The following MAN1A2 variants were observed in gnomAD, a reference collection of about 807,000 sequenced individuals.
MAN1A2 encodes mannosyl-oligosaccharide 1,2-alpha-mannosidase IB.
MAN1A2 carries 26 observed loss-of-function variants against 75.7 expected under a neutral mutation model. The ratio of observed to expected loss-of-function variants is 0.34; its 90% CI spans 0.25 to 0.48. The LOEUF is 0.48. Among genes scored for constraint, MAN1A2 ranks in the 20% least tolerant of loss-of-function variants. The pLI is 0.99. For synonymous variants in MAN1A2, 247 were observed against 264.6 expected, an observed-to-expected ratio of 0.93 and a Z score of 0.65; for missense variants, 562 against 775.5, an observed-to-expected ratio of 0.72 and a Z score of 3.27.
At chr1:117,399,832 G>A (rs180724704) in intron 1 of MAN1A2, among the ~76,000 whole-genome samples, 13 of 152,256 alleles carry the variant, frequency 8.5e-5, no homozygotes, top group Non-Finnish European at 1.5e-4. Context: ...TTGTTAATCC[G>A]TAAAGGAAAA....
chr1:117,518,650 AT>A lies in MAN1A2; in HGVS notation c.1794-4174del, dbSNP rs543019060. Among the ~76,000 whole-genome samples the A allele has an allele frequency of 2.0e-5, 3 of 152,222 alleles. No individual in the cohort carries two copies. The South Asian group carries it at 6.2e-4, about 32-fold the overall frequency. On this transcript the variant is annotated intron_variant, in intron 12 of 12. Coordinates refer to ENST00000356554, the MANE Select transcript of MAN1A2 (RefSeq NM_006699.5). ...AGGAAAATATCACAGTCCTAAACAT[AT>A]ATGCACCTAACACTGGAGCTCCCAA...
intron 1 of MAN1A2, among the ~76,000 whole-genome samples, chr1:117,397,290 C>T (rs1653932695): frequency 6.6e-6 from 1 of 152,094 alleles, no homozygotes; most frequent in Non-Finnish European, 1.5e-5. Flanking sequence ...CACAATATTG[C>T]AACAACATAG....
At chr1:117,504,376 T>C (rs1296190039) in intron 12 of MAN1A2, among the ~76,000 whole-genome samples, 1 of 151,180 alleles carries the variant, frequency 6.6e-6, no homozygotes, top group Non-Finnish European at 1.5e-5. Flanking sequence ...ATTTGTGTCT[T>C]TTCACCTAGT....
At chr1:117,520,767 G>T (rs1651846987) in intron 12 of MAN1A2, among the ~76,000 whole-genome samples, 1 of 151,922 alleles carries the variant, frequency 6.6e-6, no homozygotes, top group African/African-American at 2.4e-5. Flanking sequence ...CAAATTCAAT[G>T]CATTTCCTGT....
At chr1:117,495,025 A>G (rs1214846274) in intron 9 of MAN1A2, 1 of 151,730 alleles carries the variant, frequency 6.6e-6, no homozygotes, top group African/African-American at 2.4e-5. Flanking sequence ...ATTTTCTTTA[A>G]AACTATTTTG....
At chr1:117,428,807 T>TTA (rs1648474485) in intron 5 of MAN1A2, among the ~76,000 whole-genome samples, 1 of 123,410 alleles carries the variant, frequency 8.1e-6, no homozygotes, top group African/African-American at 2.9e-5. Flanking sequence ...TTTTTTTTTT[T>TTA]AAATTTATTT....
At chr1:117,518,984 C>G (rs530411034) in intron 12 of MAN1A2, among the ~76,000 whole-genome samples, 1 of 151,808 alleles carries the variant, frequency 6.6e-6, no homozygotes, top group Non-Finnish European at 1.5e-5. Flanking sequence ...TCTGTCAAGC[C>G]CTCTCTCAGA....
intron 8 of MAN1A2, among the ~76,000 whole-genome samples, chr1:117,476,683 T>C (rs755338346): frequency 1.4e-4 from 21 of 152,118 alleles, no homozygotes; most frequent in Non-Finnish European, 2.4e-4. Context: ...TGTAGCGTTA[T>C]TTCTGAGGCC....
At chr1:117,449,766 A>C (rs1253337322) in intron 6 of MAN1A2, among the ~76,000 whole-genome samples, 1 of 152,180 alleles carries the variant, frequency 6.6e-6, no homozygotes, top group African/African-American at 2.4e-5. Flanking sequence ...CAACATGGAG[A>C]AAGTTTGAGT....
rs531673949 is a variant in MAN1A2 at position 117,394,626 on chromosome 1, G to A, written c.303-7560G>A. Among the ~76,000 whole-genome samples, 5 of 152,248 alleles carry A rather than the reference G, an allele frequency of 3.3e-5. No homozygotes were observed. The South Asian group carries it at 1.0e-3, about 32-fold the overall frequency. On this transcript the variant is annotated intron_variant, in intron 1 of 12. Transcript: ENST00000356554. ...GTGTAAGAGCAGAAGTGACCAAAAG[G>A]CTGGAACACTGTACTTTTGAGGGTA...
intron 1 of MAN1A2, among the ~76,000 whole-genome samples, chr1:117,390,109 T>C (rs147426662): frequency 6.6e-6 from 1 of 152,326 alleles, no homozygotes; most frequent in Admixed American, 6.5e-5. Flanking sequence ...TTTATTTATT[T>C]ATTATATTTG....
intron 3 of MAN1A2, among the ~76,000 whole-genome samples, chr1:117,409,636 A>G (rs776325031): frequency 6.6e-6 from 1 of 151,990 alleles, no homozygotes; most frequent in Non-Finnish European, 1.5e-5. Context: ...TTTCTGTCTC[A>G]TTCTGTCAGT....
intron 1 of MAN1A2, among the ~76,000 whole-genome samples, chr1:117,384,774 T>C (rs1159562963): frequency 1.3e-5 from 2 of 152,174 alleles, no homozygotes; most frequent in African/African-American, 4.8e-5. Context: ...TTTATAGTTT[T>C]TATATCTTCT....
intron 2 of MAN1A2, among the ~76,000 whole-genome samples, chr1:117,405,095 C>T (rs1200514824): frequency 6.6e-6 from 1 of 152,034 alleles, no homozygotes; most frequent in African/African-American, 2.4e-5. Context: ...ACAACCATGT[C>T]CATTTACTTA....
chr1:117,519,085 G>T (rs879431424), intron 12 of MAN1A2, among the ~76,000 whole-genome samples: 1 of 152,022 alleles, frequency 6.6e-6, no homozygotes, highest in Non-Finnish European at 1.5e-5. Context: ...TCCTGAATGA[G>T]CATTGAGTCA....
At chr1:117,514,744 G>T (rs754382306) in intron 12 of MAN1A2, 7 of 498,130 alleles carry the variant, frequency 1.4e-5, no homozygotes, top group Non-Finnish European at 2.9e-5. Flanking sequence ...ATCATTGTGG[G>T]TGAGGATTCT....
chr1:117,476,842 C>T (rs1650329010), intron 8 of MAN1A2, among the ~76,000 whole-genome samples: 1 of 151,960 alleles, frequency 6.6e-6, no homozygotes, highest in Admixed American at 6.6e-5. Context: ...GCTATATGTG[C>T]TCTTTTTTGG....
At chr1:117,509,332 T>C (rs1651463428) in intron 12 of MAN1A2, among the ~76,000 whole-genome samples, 1 of 151,886 alleles carries the variant, frequency 6.6e-6, no homozygotes, top group Admixed American at 6.6e-5. Flanking sequence ...GATGCTATGT[T>C]TTATTTACTT....
intron 9 of MAN1A2, among the ~76,000 whole-genome samples, 158 bp from the exon 10 acceptor site, chr1:117,496,605 C>T (rs1453093304): frequency 6.6e-6 from 1 of 151,894 alleles, no homozygotes; most frequent in East Asian, 1.9e-4. Context: ...ATTTGATCAC[C>T]CACTCCGACA....
Sources: gnomAD v4.1 joint callset for allele counts (sites outside exome capture counted in the v4.1 genomes callset) on GRCh38, gnomAD v4.1.1 for gene constraint, MANE v1.5 for transcripts, NCBI Gene and HGNC (gene_info 2026-07-23, HGNC 2026-07-21) for gene names.